The following POMGNT2 variants were observed in gnomAD, a reference collection of about 807,000 sequenced individuals.
POMGNT2 encodes the protein protein O-linked-mannose beta-1,4-N-acetylglucosaminyltransferase 2.
POMGNT2 carries 32 observed loss-of-function variants against 37.8 expected under a neutral mutation model. The ratio of observed to expected loss-of-function variants is 0.85; its 90% CI spans 0.64 to 1.14. The LOEUF is 1.14. Ranked by LOEUF, POMGNT2 falls within the 50% of genes most tolerant of loss-of-function variation. The pLI is 0.00. For synonymous variants in POMGNT2, 340 were observed against 336.8 expected (o/e 1.01, Z -0.10); for missense variants, 705 against 780.6 (o/e 0.90, Z 1.15).
chr3:43,081,421 G>T lies in POMGNT2; in HGVS notation c.11C>A (p.Ser4Ter), dbSNP rs536444876. 6 of 1,570,628 alleles carry T rather than the reference G, an allele frequency of 3.8e-6. No individual in the cohort carries two copies. Among genetic ancestry groups the T allele is most frequent in the Non-Finnish European group, 5.2e-6 (6 of 1,160,216 alleles). Residue 4 changes from serine (S) to a stop codon, truncating the protein, a stop_gained, in exon 2 of 2, where the codon TCG becomes TAG. Transcript: ENST00000344697. LOFTEE classifies it high-confidence loss of function. The part of the protein sequence containing the change: MHL[S>*]AVFNALLVSV... ...CACCAGGAGGGCGTTGAACACCGCC[G>T]AGAGGTGCATCCTAATGCCACTGTG...
chr3:43,103,549 T>C (rs937226817), intron 1 of POMGNT2, among the ~76,000 whole-genome samples: 1 of 152,140 alleles, frequency 6.6e-6, no homozygotes, highest in African/African-American at 2.4e-5. Context: ...ACTCAGGGAC[T>C]GTCCCCTACA....
At chr3:43,086,150 A>T (rs2089896578) in intron 1 of POMGNT2, among the ~76,000 whole-genome samples, 1 of 152,236 alleles carries the variant, frequency 6.6e-6, no homozygotes, top group Non-Finnish European at 1.5e-5. Context: ...TCTGGGGTAC[A>T]AACAGGTTTG....
chr3:43,084,636 G>A (rs1030844387), intron 1 of POMGNT2, among the ~76,000 whole-genome samples: 5 of 146,152 alleles, frequency 3.4e-5, no homozygotes, highest in South Asian at 2.3e-4. Context: ...CAGACAGAGC[G>A]AGACTCCGTC....
intron 1 of POMGNT2, among the ~76,000 whole-genome samples, chr3:43,085,668 G>A (rs1378156638): frequency 2.6e-5 from 4 of 152,052 alleles, no homozygotes; most frequent in Non-Finnish European, 2.9e-5. Context: ...GCATGAAAAC[G>A]GACTAATACG....
At chr3:43,096,292 A>G (rs1219118839) in intron 1 of POMGNT2, among the ~76,000 whole-genome samples, 2 of 152,140 alleles carry the variant, frequency 1.3e-5, no homozygotes, top group Non-Finnish European at 2.9e-5. Flanking sequence ...CAGATTACCA[A>G]CAACTATTAA....
intron 1 of POMGNT2, among the ~76,000 whole-genome samples, chr3:43,101,996 T>C (rs962190463): frequency 9.2e-5 from 14 of 151,854 alleles, no homozygotes. Flanking sequence ...CAGCCACCAG[T>C]AGAGGACATA....
At chr3:43,091,322 G>A (rs1189417205) in intron 1 of POMGNT2, among the ~76,000 whole-genome samples, 1 of 151,998 alleles carries the variant, frequency 6.6e-6, no homozygotes, top group African/African-American at 2.4e-5. Context: ...GCATGAAAGA[G>A]CTCCCAACAG....
chr3:43,095,509 A>G (rs1274069020), intron 1 of POMGNT2, among the ~76,000 whole-genome samples: 2 of 151,498 alleles, frequency 1.3e-5, no homozygotes, highest in Non-Finnish European at 2.9e-5. Flanking sequence ...TGCCCTAACA[A>G]AGCGTCCTCC....
chr3:43,102,680 T>C (rs2090027806), intron 1 of POMGNT2, among the ~76,000 whole-genome samples: 1 of 152,190 alleles, frequency 6.6e-6, no homozygotes, highest in Admixed American at 6.5e-5. Context: ...TCTTTTAACA[T>C]GAGAAAACCA....
At chr3:43,105,536 A>T (rs943927191) in intron 1 of POMGNT2, among the ~76,000 whole-genome samples, 1 of 151,728 alleles carries the variant, frequency 6.6e-6, no homozygotes, top group Admixed American at 6.6e-5. Flanking sequence ...TCGAACTGGC[A>T]AGCCCCAGGG....
intron 1 of POMGNT2, among the ~76,000 whole-genome samples, chr3:43,095,406 G>A (rs543494498): frequency 7.5e-4 from 114 of 152,342 alleles, no homozygotes; most frequent in Non-Finnish European, 1.2e-3. Flanking sequence ...GATGGGATCC[G>A]TACAGGACAG....
intron 1 of POMGNT2, among the ~76,000 whole-genome samples, chr3:43,085,867 T>G (rs1470705226): frequency 6.6e-6 from 1 of 152,148 alleles, no homozygotes. Flanking sequence ...CTGGCATTCC[T>G]GGATTGTGGG....
intron 1 of POMGNT2, among the ~76,000 whole-genome samples, chr3:43,097,999 C>T (rs1017984605): frequency 2.0e-5 from 3 of 152,202 alleles, no homozygotes; most frequent in African/African-American, 7.2e-5. Flanking sequence ...CACTCCTCCA[C>T]AAGAAGGGTT....
At chr3:43,082,980 C>G (rs1422050031) in intron 1 of POMGNT2, among the ~76,000 whole-genome samples, 1 of 152,154 alleles carries the variant, frequency 6.6e-6, no homozygotes, top group African/African-American at 2.4e-5. Flanking sequence ...CTCCCATGAT[C>G]ATATGCTGGA....
At chr3:43,092,123 T>A (rs2089948491) in intron 1 of POMGNT2, among the ~76,000 whole-genome samples, 1 of 152,202 alleles carries the variant, frequency 6.6e-6, no homozygotes, top group Non-Finnish European at 1.5e-5. Flanking sequence ...ATGTGTTGTG[T>A]GAATTTCCTG....
chr3:43,080,426 T>C lies in POMGNT2; in HGVS notation c.1006A>G (p.Ser336Gly). The change falls in exon 2 of 2, where the codon AGC becomes GGC. Residue 336 changes from serine (S) to glycine (G), a missense_variant. Physicochemically the swap from Ser to Gly is moderately conservative, Grantham distance 56. Transcript: ENST00000344697. Reference sequence around the variant, plus strand: ...ATGCTGACCAGCATGGAGGCATTGCTGACCAGCCGCACGACATCAGCAAAG... The same window carrying C: ...ATGCTGACCAGCATGGAGGCATTGCCGACCAGCCGCACGACATCAGCAAAG... The part of the protein sequence containing the change: ...HTFADVVRLV[S>G]NASMLVSMHG... 1 of 1,614,180 alleles carries C rather than the reference T, an allele frequency of 6.2e-7. No individual in the cohort carries two copies. The highest frequency in any genetic ancestry group is 8.5e-7 in the Non-Finnish European group (1 of 1,180,026).
At position 43,079,748 on chromosome 3, in the gene POMGNT2, A is replaced by G; in HGVS notation, c.1684T>C (p.Cys562Arg). 6.2e-7 allele frequency: 1 copy of G among 1,614,202 alleles called. No individual in the cohort carries two copies. Among genetic ancestry groups the G allele is most frequent in the Non-Finnish European group, 8.5e-7 (1 of 1,180,042 alleles). Residue 562 changes from cysteine (C) to arginine (R), a missense_variant, in exon 2 of 2, where the codon TGC becomes CGC. Cys to Arg is a radical substitution (Grantham distance 180, BLOSUM62 -3). Transcript: ENST00000344697. ...CCCAGGAGGATCTTGTTGAAGATGC[A>G]GCGGACCCACACCAGGTAGGTGGTG... ...PFTTYLVWVR[C>R]IFNKILLGPF... is the part of the protein sequence containing the mutation.
chr3:43,091,619 A>T (rs1575469680), intron 1 of POMGNT2, among the ~76,000 whole-genome samples: 1 of 152,248 alleles, frequency 6.6e-6, no homozygotes, highest in East Asian at 1.9e-4. Flanking sequence ...AGTCTCAAAG[A>T]TTCTTCCCAT....
intron 1 of POMGNT2, among the ~76,000 whole-genome samples, chr3:43,088,662 C>CCA (rs2089917822): frequency 6.6e-6 from 1 of 152,156 alleles, no homozygotes; most frequent in African/African-American, 2.4e-5. Context: ...AATGAGGTGT[C>CCA]GCATGCCATG....
Sources: gnomAD v4.1 joint callset for allele counts (sites outside exome capture counted in the v4.1 genomes callset) on GRCh38, gnomAD v4.1.1 for gene constraint, MANE v1.5 for transcripts, NCBI Gene and HGNC (gene_info 2026-07-23, HGNC 2026-07-21) for gene names.